Variants in SOX5 observed in about 807,000 individuals in gnomAD.
SOX5 encodes the protein SRY-box transcription factor 5.
A neutral mutation model predicts 92.0 loss-of-function variants in SOX5; 9 were observed. The ratio of observed to expected loss-of-function variants is 0.10; its 90% CI spans 0.06 to 0.17. The LOEUF (loss-of-function observed/expected upper bound fraction) is 0.17, where lower values mean the gene tolerates loss of function less well. Among genes scored for constraint, SOX5 ranks in the 10% least tolerant of loss-of-function variants. SOX5 has a pLI of 1.00. For synonymous variants in SOX5, 344 were observed against 336.3 expected, an observed-to-expected ratio of 1.02 and a Z score of -0.25; for missense variants, 642 against 944.5, an observed-to-expected ratio of 0.68 and a Z score of 4.20.
chr12:24,306,727 T>A (rs913914246), intron 2 of SOX5, among the ~76,000 whole-genome samples: 3 of 152,008 alleles, frequency 2.0e-5, no homozygotes, highest in African/African-American at 7.3e-5. Context: ...GGCAAAAACA[T>A]CCTTTTGGAG....
At chr12:23,970,757 A>G (rs7972118) in intron 4 of SOX5, among the ~76,000 whole-genome samples, 130,625 of 134,726 alleles carry the variant, frequency 0.97, 63,521 homozygotes, top group East Asian at 1. Flanking sequence ...ATTGGTGTCC[A>G]CTGGTGTCCC....
At position 24,362,882 on chromosome 12, in the gene SOX5, A is replaced by AG. The variant is rs1955744633; in HGVS notation, c.-174+5680_-174+5681insC. On this transcript the variant is annotated intron_variant, in intron 2 of 4. Transcript: ENST00000446891. ...AACCACAGTGAAAAAAAAAAAAAAA[A>AG]AAGGAGGGCTATTAGCATAACAGCA... Among the ~76,000 whole-genome samples the AG allele has an allele frequency of 3.3e-5, 5 of 151,968 alleles. 1 individual carries two copies. The South Asian group carries it at 1.0e-3, about 32-fold the overall frequency.
At chr12:24,452,247 GACAT>G (rs1942415924) in intron 1 of SOX5, among the ~76,000 whole-genome samples, 1 of 152,126 alleles carries the variant, frequency 6.6e-6, no homozygotes, top group Admixed American at 6.5e-5. Context: ...CTAAATATTT[GACAT>G]ACATCTCTTC....
At chr12:24,142,961 G>A (rs945311103) in intron 4 of SOX5, among the ~76,000 whole-genome samples, 12 of 151,994 alleles carry the variant, frequency 7.9e-5, no homozygotes, top group Non-Finnish European at 1.5e-4. Flanking sequence ...GCCCAAGGCA[G>A]GGAAAAGAGC....
intron 10 of SOX5, among the ~76,000 whole-genome samples, chr12:23,564,298 G>A (rs772334687): frequency 2.0e-5 from 3 of 152,088 alleles, no homozygotes; most frequent in Non-Finnish European, 2.9e-5. Flanking sequence ...GACATTAGAC[G>A]TACGTTAGTA....
intron 2 of SOX5, among the ~76,000 whole-genome samples, chr12:24,362,725 C>T (rs992364015): frequency 2.0e-5 from 3 of 152,036 alleles, no homozygotes; most frequent in East Asian, 1.9e-4. Flanking sequence ...CAGTTATAGG[C>T]GTGCTACCCT....
At chr12:23,924,746 T>A (rs1939460553) in intron 1 of SOX5, among the ~76,000 whole-genome samples, 2 of 152,122 alleles carry the variant, frequency 1.3e-5, no homozygotes, top group South Asian at 4.1e-4. Context: ...TTGGTTTTTC[T>A]TAGGTATTTA....
intron 3 of SOX5, among the ~76,000 whole-genome samples, chr12:24,246,533 G>T (rs1236770172): frequency 6.6e-6 from 1 of 151,138 alleles, no homozygotes; most frequent in African/African-American, 2.4e-5. Context: ...GGCTCTTTTT[G>T]CCTCAGTTCC....
In SOX5 at chr12:23,598,387, C is replaced by CTTTTTTTT. The variant is rs201719026; in HGVS notation, c.1164+5992_1164+5999dup. On this transcript the variant is annotated intron_variant, in intron 9 of 14. Transcript: ENST00000451604. ...GTCTCTTTGTTGTCTTGTGCTTTAT[C>CTTTTTTTT]TTTTTTTTTTTTTTTTTTTTTTTTT... is the stretch of plus-strand genomic sequence containing the variant. Among the ~76,000 whole-genome samples, 27 of 95,160 alleles carry CTTTTTTTT rather than the reference C, an allele frequency of 2.8e-4. 2 individuals carry two copies. Among genetic ancestry groups the CTTTTTTTT allele is most frequent in the East Asian group, 5.9e-4 (2 of 3,394 alleles). 62.4% of individuals were successfully genotyped at this position (95,160 alleles called of 152,430 possible). A position where few individuals can be genotyped will look rare whatever the true frequency, so the allele number is the denominator to read the frequency against.
At chr12:23,981,526 T>C (rs1333127810) in intron 4 of SOX5, among the ~76,000 whole-genome samples, 7 of 152,168 alleles carry the variant, frequency 4.6e-5, no homozygotes, top group Non-Finnish European at 7.4e-5. Flanking sequence ...ATTTGTTTTA[T>C]TTATTGCATT....
At chr12:24,399,707 G>C (rs1291513514) in intron 1 of SOX5, among the ~76,000 whole-genome samples, 1 of 152,172 alleles carries the variant, frequency 6.6e-6, no homozygotes, top group South Asian at 2.1e-4. Flanking sequence ...GTATGCATTT[G>C]GAAGCTTTGC....
intron 6 of SOX5, among the ~76,000 whole-genome samples, chr12:23,718,179 G>A (rs1793755546): frequency 1.3e-5 from 2 of 152,070 alleles, no homozygotes; most frequent in Non-Finnish European, 1.5e-5. Context: ...TCAAAGTTTA[G>A]TATATTAGCA....
chr12:24,494,867 G>C (rs1947456886), intron 1 of SOX5, among the ~76,000 whole-genome samples: 2 of 151,952 alleles, frequency 1.3e-5, no homozygotes, highest in Non-Finnish European at 2.9e-5. Flanking sequence ...CTACAAAATT[G>C]CTCATAGAAT....
intron 6 of SOX5, among the ~76,000 whole-genome samples, chr12:23,696,290 T>G (rs376572363): frequency 6.6e-6 from 1 of 152,122 alleles, no homozygotes; most frequent in Non-Finnish European, 1.5e-5. Flanking sequence ...AACTGAAAAT[T>G]GTATTTCTTT....
At chr12:24,097,355 T>C (rs996856652) in intron 4 of SOX5, among the ~76,000 whole-genome samples, 4 of 152,308 alleles carry the variant, frequency 2.6e-5, no homozygotes, top group East Asian at 1.9e-4. Context: ...CTTTGCAGCA[T>C]AAACATTTTG....
At chr12:24,517,358 G>A (rs1395589964) in intron 1 of SOX5, among the ~76,000 whole-genome samples, 2 of 152,140 alleles carry the variant, frequency 1.3e-5, no homozygotes, top group African/African-American at 2.4e-5. Flanking sequence ...GCTGGGTGTG[G>A]TGCTTACATC....
At chr12:23,817,820 C>T (rs956510521) in intron 3 of SOX5, among the ~76,000 whole-genome samples, 20 of 152,192 alleles carry the variant, frequency 1.3e-4, no homozygotes, top group Non-Finnish European at 1.5e-5. Context: ...AACATAGTTA[C>T]TCTCCCAAAA....
intron 6 of SOX5, among the ~76,000 whole-genome samples, chr12:23,668,243 CA>C (rs2139496968): frequency 6.6e-6 from 1 of 152,262 alleles, no homozygotes; most frequent in East Asian, 1.9e-4. Context: ...TAAACAAAAA[CA>C]CACACAAAAC....
At chr12:24,035,938 T>C (rs1016847912) in intron 4 of SOX5, among the ~76,000 whole-genome samples, 4 of 152,006 alleles carry the variant, frequency 2.6e-5, no homozygotes, top group African/African-American at 9.7e-5. Flanking sequence ...TCAGAAATGA[T>C]CAAATTTAAA....
Sources: gnomAD v4.1 joint callset for allele counts (sites outside exome capture counted in the v4.1 genomes callset) on GRCh38, gnomAD v4.1.1 for gene constraint, MANE v1.5 for transcripts, NCBI Gene and HGNC (gene_info 2026-07-23, HGNC 2026-07-21) for gene names.